The following PALS1 variants were observed in gnomAD, a reference collection of about 807,000 sequenced individuals.
The protein encoded by PALS1 is protein associated with LIN7 1, MAGUK p55 family member.
A neutral mutation model predicts 78.9 loss-of-function variants in PALS1; 31 were observed. The ratio of observed to expected loss-of-function variants is 0.39; its 90% CI spans 0.30 to 0.53. The LOEUF (loss-of-function observed/expected upper bound fraction) is 0.53, where lower values mean the gene tolerates loss of function less well. Ranked by LOEUF, PALS1 falls within the 20% of genes least tolerant of loss-of-function variation. The pLI is 0.67. For missense variants in PALS1, 704 were observed against 826.5 expected, an observed-to-expected ratio of 0.85 and a Z score of 1.82; for synonymous variants, 276 against 270.9, an observed-to-expected ratio of 1.02 and a Z score of -0.18.
At chr14:67,303,739 C>A (rs2084961702) in intron 8 of PALS1, 140 bp downstream of exon 8, 3 of 669,058 alleles carry the variant, frequency 4.5e-6, no homozygotes, top group South Asian at 3.9e-5. Flanking sequence ...TATGAAATAT[C>A]AATGTTTTAA....
At chr14:67,289,286 T>C (rs1029529276) in intron 3 of PALS1, among the ~76,000 whole-genome samples, 5 of 152,130 alleles carry the variant, frequency 3.3e-5, no homozygotes, top group East Asian at 1.9e-4. Flanking sequence ...TTAAGTCTTA[T>C]AAGTCTTTAT....
chr14:67,294,404 G>C (rs1364325013), intron 4 of PALS1: 6 of 151,640 alleles, frequency 4.0e-5, no homozygotes, highest in Admixed American at 3.9e-4. Flanking sequence ...TTTACAGCTG[G>C]AAAAAAATAT....
At chr14:67,317,349 A>C (rs2085192011) in intron 10 of PALS1, 59 bp from the exon 11 acceptor site, 12 of 1,372,960 alleles carry the variant, frequency 8.7e-6, no homozygotes, top group Non-Finnish European at 1.2e-5. Flanking sequence ...CTTCAATTTG[A>C]GTTATGTGGT....
Position 67,302,568 on chromosome 14 carries a change from G to A in PALS1, c.960G>A (p.Leu320=). The part of the protein sequence containing the change: ...RGKDVNEVFD[L]LSDMHGTLTF... Reference sequence around the variant, plus strand: ...AAGATGTCAATGAGGTTTTTGACTTGTTGGTAAGTTGACGCAGCTAGAAGA... The same window carrying A: ...AAGATGTCAATGAGGTTTTTGACTTATTGGTAAGTTGACGCAGCTAGAAGA... Residue 320 remains leucine (L), a synonymous_variant, in exon 7 of 15, where the codon TTG becomes TTA. Coordinates refer to ENST00000261681, the MANE Select transcript of PALS1 (RefSeq NM_022474.4). 1 of 1,492,690 alleles carries A rather than the reference G, an allele frequency of 6.7e-7. No homozygotes were observed. The highest frequency in any genetic ancestry group is 8.9e-7 in the Non-Finnish European group (1 of 1,118,846). The allele number at this position is 1,492,690 out of a possible 1,614,324, so 92.5% of individuals were successfully genotyped here. A position where few individuals can be genotyped will look rare whatever the true frequency, so the allele number is the denominator to read the frequency against.
At chr14:67,329,957 G>GA (rs147711580) in intron 14 of PALS1, among the ~76,000 whole-genome samples, 8,642 of 151,178 alleles carry the variant, frequency 0.057, 520 homozygotes, top group African/African-American at 0.15. Flanking sequence ...ATTGTACTCT[G>GA]AATCTGTTCT....
chr14:67,322,610 C>T (rs952456392), intron 13 of PALS1, among the ~76,000 whole-genome samples: 1 of 152,098 alleles, frequency 6.6e-6, no homozygotes, highest in Non-Finnish European at 1.5e-5. Context: ...TGGACAAATG[C>T]ACTTAGGCTC....
intron 3 of PALS1, among the ~76,000 whole-genome samples, chr14:67,282,707 AG>A (rs11317431): frequency 0.057 from 8,716 of 152,126 alleles, 517 homozygotes; most frequent in African/African-American, 0.15. Context: ...ATTTGATATT[AG>A]GGAGGCTTTC....
rs757221355 is a variant in PALS1 at position 67,303,513 on chromosome 14, C to A, written c.964-9C>A. On this transcript the variant is annotated splice_polypyrimidine_tract_variant and intron_variant, in intron 7 of 14. Transcript: ENST00000261681. Reference sequence around the variant, plus strand: ...AAATTTAAAAAATAACCTGATCTTTCTATTACAGTCTGATATGCATGGTAC... The same window carrying A: ...AAATTTAAAAAATAACCTGATCTTTATATTACAGTCTGATATGCATGGTAC... 14 of 1,603,560 alleles carry A rather than the reference C, an allele frequency of 8.7e-6. No homozygotes were observed. The highest frequency in any genetic ancestry group is 1.1e-5 in the Non-Finnish European group (13 of 1,170,522).
chr14:67,261,944 A>G (rs1464948269), intron 1 of PALS1, among the ~76,000 whole-genome samples: 2 of 152,152 alleles, frequency 1.3e-5, no homozygotes, highest in African/African-American at 2.4e-5. Flanking sequence ...TTTAAAGGCA[A>G]AAAAAGGATG....
intron 8 of PALS1, among the ~76,000 whole-genome samples, chr14:67,306,900 G>C (rs543972067): frequency 6.6e-6 from 1 of 152,296 alleles, no homozygotes; most frequent in East Asian, 1.9e-4. Context: ...TTATGGTACA[G>C]GTCAGCATCT....
intron 1 of PALS1, among the ~76,000 whole-genome samples, chr14:67,247,328 G>T (rs956320161): frequency 1.3e-5 from 2 of 152,104 alleles, no homozygotes; most frequent in African/African-American, 4.8e-5. Context: ...GATCACTGAT[G>T]GTATATAGAA....
At chr14:67,304,503 C>T (rs1381548735) in intron 8 of PALS1, among the ~76,000 whole-genome samples, 1 of 151,998 alleles carries the variant, frequency 6.6e-6, no homozygotes, top group Non-Finnish European at 1.5e-5. Flanking sequence ...CATGGATGAA[C>T]CTTGAAGAAA....
chr14:67,311,224 T>A (rs1448893120), intron 8 of PALS1, among the ~76,000 whole-genome samples: 1 of 147,268 alleles, frequency 6.8e-6, no homozygotes, highest in Non-Finnish European at 1.5e-5. Flanking sequence ...GACAGGAGAA[T>A]CACTTGAACC....
intron 14 of PALS1, among the ~76,000 whole-genome samples, chr14:67,329,240 T>C (rs2085404068): frequency 1.3e-5 from 2 of 152,208 alleles, no homozygotes; most frequent in South Asian, 2.1e-4. Flanking sequence ...TTTGTAGCAA[T>C]TGTGAATGGG....
Position 67,280,853 on chromosome 14 carries a change from TTCCCTCCCTCCC to T in PALS1, c.367+1334_367+1345del, listed in dbSNP as rs71446332. On this transcript the variant is annotated intron_variant, in intron 3 of 14. Coordinates refer to ENST00000261681, the MANE Select transcript of PALS1 (RefSeq NM_022474.4). ...CTTCCTTCCTTCCTTCCTTCCTTCC[TTCCCTCCCTCCC>T]TCCCTCCCTCCCTCCCTTTTCTTTC... Among the ~76,000 whole-genome samples, 34 of 77,578 alleles carry T rather than the reference TTCCCTCCCTCCC, an allele frequency of 4.4e-4. 1 individual carries two copies. In the East Asian group the frequency reaches 0.017, roughly 38 times the overall value. The allele number at this position is 77,578 out of a possible 152,430, so 50.9% of individuals were successfully genotyped here. A position where few individuals can be genotyped will look rare whatever the true frequency, so the allele number is the denominator to read the frequency against.
chr14:67,327,218 C>T (rs749245791), intron 14 of PALS1, among the ~76,000 whole-genome samples: 2 of 152,120 alleles, frequency 1.3e-5, no homozygotes, highest in Admixed American at 1.3e-4. Flanking sequence ...TGAAGCTGCT[C>T]TAAACATTCA....
chr14:67,245,203 T>C (rs745811557), intron 1 of PALS1, among the ~76,000 whole-genome samples: 8 of 152,216 alleles, frequency 5.3e-5, no homozygotes, highest in Non-Finnish European at 8.8e-5. Flanking sequence ...ATTTGTTACA[T>C]TGGCATAGGA....
intron 4 of PALS1, among the ~76,000 whole-genome samples, chr14:67,296,580 T>G (rs1422934222): frequency 2.0e-5 from 2 of 100,020 alleles, no homozygotes; most frequent in African/African-American, 8.3e-5. Flanking sequence ...AGTGAAACTC[T>G]GTCTCAAAAA....
Position 67,302,001 on chromosome 14 carries a change from T to A in PALS1, c.684T>A (p.Ala228=), listed in dbSNP as rs151229431. Residue 228 remains alanine, a synonymous_variant, in exon 6 of 15, where the codon GCT becomes GCA. Transcript: ENST00000261681. ...TTTTACTGGCCCACGATAAGGTTGCTGAGCAGGAAATGCAGCTAGAGCCCA... is the reference window on the plus strand; with the variant it reads ...TTTTACTGGCCCACGATAAGGTTGCAGAGCAGGAAATGCAGCTAGAGCCCA... The part of the protein sequence containing the change: ...QALLLAHDKV[A]EQEMQLEPIT... The A allele has an allele frequency of 1.9e-6, 3 of 1,607,394 alleles. No homozygotes were observed. Among genetic ancestry groups the A allele is most frequent in the Non-Finnish European group, 2.5e-6 (3 of 1,177,276 alleles).
Sources: allele counts gnomAD v4.1 joint callset (sites outside exome capture counted in the v4.1 genomes callset), GRCh38; gene constraint gnomAD v4.1.1; transcripts MANE v1.5; gene names NCBI Gene and HGNC (gene_info 2026-07-23, HGNC 2026-07-21).